The following FMN1 variants were observed in gnomAD, a reference collection of about 807,000 sequenced individuals.
The protein encoded by FMN1 is formin 1, also known as formin-1.
A neutral mutation model predicts 132.4 loss-of-function variants in FMN1; 110 were observed. The ratio of observed to expected loss-of-function variants is 0.83; its 90% CI spans 0.71 to 0.97. The LOEUF is 0.97. Ranked by LOEUF, FMN1 falls within the 50% of genes least tolerant of loss-of-function variation. The pLI, the probability that FMN1 is intolerant of heterozygous loss-of-function variation, is 0.00. For synonymous variants in FMN1, 722 were observed against 651.7 expected (o/e 1.11, Z -1.64); for missense variants, 1,792 against 1,705.3 (o/e 1.05, Z -0.90).
chr15:32,891,155 T>G (rs2060018637), intron 15 of FMN1, among the ~76,000 whole-genome samples: 1 of 152,262 alleles, frequency 6.6e-6, no homozygotes, highest in African/African-American at 2.4e-5. Flanking sequence ...CCTTATAGTA[T>G]AGTTTGAAAT....
Position 33,088,905 on chromosome 15 carries a change from T to A in FMN1, c.1937A>T (p.Asp646Val), listed in dbSNP as rs1428302380. 1.3e-6 allele frequency: 2 copies of A among 1,535,866 alleles called. No individual in the cohort carries two copies. Among genetic ancestry groups the A allele is most frequent in the South Asian group, 1.2e-5 (1 of 84,050 alleles). ...GTAGCCCAGAACCCACGCGCCTCCA[T>A]CTCTGTTGGGAAGGTCTTTAGGTGT... ...EQTPKDLPNR[D>V]GGAWVLGYRA... The change falls in exon 5 of 21, where the codon GAT becomes GTT. Residue 646 changes from aspartate (D) to valine (V), a missense_variant. Physicochemically the swap from Asp to Val is radical, Grantham distance 152 (BLOSUM62 -3). Around this residue, in one of 3 missense-constraint regions of FMN1, gnomAD observed 1,150 missense variants for 1,043.1 expected, o/e 1.10. Transcript: ENST00000616417.
intron 16 of FMN1, among the ~76,000 whole-genome samples, chr15:32,859,236 A>C (rs1360287795): frequency 6.6e-6 from 1 of 152,204 alleles, no homozygotes; most frequent in Non-Finnish European, 1.5e-5. Flanking sequence ...CCCTGAAAAC[A>C]AAGGGGGAAA....
chr15:33,015,157 T>C (rs1055647553), intron 6 of FMN1, among the ~76,000 whole-genome samples: 3 of 152,240 alleles, frequency 2.0e-5, no homozygotes, highest in Middle Eastern at 3.2e-3. Flanking sequence ...TTTATTCCCT[T>C]GTTTTCGTTC....
chr15:32,786,775 T>C (rs193176308), intron 19 of FMN1, among the ~76,000 whole-genome samples: 3 of 152,366 alleles, frequency 2.0e-5, no homozygotes, highest in East Asian at 1.9e-4. Context: ...GTTTTAAATA[T>C]GCTTTCAGAG....
In FMN1 at chr15:33,012,173, T is replaced by C. The variant is rs112218820; in HGVS notation, c.2162-4098A>G. ...CCTGAACAGCTGTGGAAGCTCCTCA[T>C]CAGAGGGTTGGGCTTTGAAACCACC... On this transcript the variant is annotated intron_variant, in intron 6 of 20. Coordinates refer to ENST00000616417, the MANE Select transcript of FMN1 (RefSeq NM_001277313.2). 4.7e-5 allele frequency: 26 copies of C among 553,776 alleles called. No homozygotes were observed. The African/African-American group carries it at 4.7e-4, about 10-fold the overall frequency. 34.3% of individuals were successfully genotyped at this position (553,776 alleles called of 1,614,324 possible). A position where few individuals can be genotyped will look rare whatever the true frequency, so the allele number is the denominator to read the frequency against.
In FMN1 at chr15:33,082,092, AATGTGTGTGT is replaced by A. The variant is rs765723134; in HGVS notation, c.2043+6697_2043+6706del. Among the ~76,000 whole-genome samples the A allele has an allele frequency of 7.8e-3, 685 of 87,978 alleles. 8 individuals are homozygous for A. Among genetic ancestry groups the A allele is most frequent in the African/African-American group, 0.025 (641 of 25,622 alleles). 57.7% of individuals were successfully genotyped at this position (87,978 alleles called of 152,430 possible). ...CGCTTTGTCACCCAGGCTGGAAAACAATGTGTGTGTGTGTGTGTGTGTGTGTGTGTGTGTG... is the reference window on the plus strand; with the variant it reads ...CGCTTTGTCACCCAGGCTGGAAAACAGTGTGTGTGTGTGTGTGTGTGTGTG... On this transcript the variant is annotated intron_variant, in intron 5 of 20. Coordinates refer to ENST00000616417, the MANE Select transcript of FMN1 (RefSeq NM_001277313.2).
At chr15:32,835,901 C>T (rs1056282274) in intron 17 of FMN1, among the ~76,000 whole-genome samples, 2 of 152,000 alleles carry the variant, frequency 1.3e-5, no homozygotes, top group Non-Finnish European at 2.9e-5. Flanking sequence ...CACTCTGTTA[C>T]CCAGGCCGGA....
At chr15:32,865,855 A>T (rs140886545) in intron 16 of FMN1, among the ~76,000 whole-genome samples, 1,220 of 18,382 alleles carry the variant, frequency 0.066, 13 homozygotes, top group Non-Finnish European at 0.18. Context: ...AAAAAAAAAT[A>T]AAATAAAATA....
chr15:33,051,949 C>G (rs1474199742), intron 6 of FMN1, among the ~76,000 whole-genome samples: 1 of 152,182 alleles, frequency 6.6e-6, no homozygotes, highest in Non-Finnish European at 1.5e-5. Flanking sequence ...TGTTCCAGCT[C>G]TAAAGTTTTT....
At chr15:33,083,925 C>T (rs345794) in intron 5 of FMN1, among the ~76,000 whole-genome samples, 74,916 of 151,902 alleles carry the variant, frequency 0.49, 18,850 homozygotes, top group African/African-American at 0.54. Flanking sequence ...CTAATTATAA[C>T]GCATCAGCAT....
chr15:32,800,893 G>C lies in FMN1; in HGVS notation c.3981-1940C>G, dbSNP rs143530765. Among the ~76,000 whole-genome samples the C allele has an allele frequency of 3.0e-3, 457 of 152,258 alleles. 4 individuals are homozygous for C. Among genetic ancestry groups the C allele is most frequent in the African/African-American group, 0.01 (436 of 41,550 alleles). On this transcript the variant is annotated intron_variant, in intron 18 of 20. Transcript: ENST00000616417. ...CACACATAACATGCATTACCCCAGGGAGGGCATGTGATTATTTTTTCTCTT... is the reference window on the plus strand; with the variant it reads ...CACACATAACATGCATTACCCCAGGCAGGGCATGTGATTATTTTTTCTCTT...
At chr15:32,868,954 C>G (rs1039892782) in intron 16 of FMN1, among the ~76,000 whole-genome samples, 1 of 152,016 alleles carries the variant, frequency 6.6e-6, no homozygotes. Context: ...TGTGATGGAA[C>G]GCTGGGTATA....
intron 17 of FMN1, among the ~76,000 whole-genome samples, chr15:32,848,361 T>C (rs1048143065): frequency 6.4e-5 from 9 of 139,776 alleles, no homozygotes; most frequent in African/African-American, 2.3e-4. Flanking sequence ...CACACGTGTG[T>C]GTGTATTAGA....
chr15:32,811,517 G>C (rs768195826), intron 17 of FMN1, among the ~76,000 whole-genome samples: 2 of 151,210 alleles, frequency 1.3e-5, no homozygotes, highest in Non-Finnish European at 2.9e-5. Context: ...ACTCTGAAGA[G>C]GTCTTCAGAG....
At chr15:33,121,288 C>A (rs2140174193) in intron 4 of FMN1, among the ~76,000 whole-genome samples, 1 of 152,272 alleles carries the variant, frequency 6.6e-6, no homozygotes, top group African/African-American at 2.4e-5. Flanking sequence ...GTTTCAATAC[C>A]ACAATGACCA....
chr15:32,890,855 G>A (rs2060010256), intron 15 of FMN1, among the ~76,000 whole-genome samples: 1 of 152,148 alleles, frequency 6.6e-6, no homozygotes, highest in Non-Finnish European at 1.5e-5. Flanking sequence ...TTATCTTCTA[G>A]AATTTTTATA....
intron 16 of FMN1, among the ~76,000 whole-genome samples, chr15:32,886,618 A>C (rs1179081435): frequency 6.6e-6 from 1 of 152,200 alleles, no homozygotes; most frequent in Admixed American, 6.5e-5. Context: ...AGGAGAAGGG[A>C]AAAGATCAAA....
intron 3 of FMN1, among the ~76,000 whole-genome samples, chr15:33,167,081 G>T (rs2140312494): frequency 6.6e-6 from 1 of 152,286 alleles, no homozygotes; most frequent in East Asian, 1.9e-4. Flanking sequence ...GGTTAAGAAG[G>T]AGAAAGAAAG....
chr15:33,051,532 A>C (rs921202127), intron 6 of FMN1, among the ~76,000 whole-genome samples: 11 of 152,088 alleles, frequency 7.2e-5, no homozygotes, highest in Non-Finnish European at 1.0e-4. Flanking sequence ...TGCCAGAGAA[A>C]GGCAGTCTCC....
Sources: allele counts gnomAD v4.1 joint callset (sites outside exome capture counted in the v4.1 genomes callset), GRCh38; gene constraint gnomAD v4.1.1; regional missense constraint gnomAD v4.1.1; transcripts MANE v1.5; gene names NCBI Gene and HGNC (gene_info 2026-07-23, HGNC 2026-07-21).